Variants in PSMA1 observed in about 807,000 individuals in gnomAD.
The protein encoded by PSMA1 is proteasome 20S subunit alpha 1.
A neutral mutation model predicts 38.4 loss-of-function variants in PSMA1; 3 were observed. That is an observed-to-expected ratio of 0.08 (90% CI 0.04 to 0.20). The LOEUF is 0.20. PSMA1 is among the 10% of genes least tolerant of loss of function. PSMA1 has a pLI of 1.00. For synonymous variants in PSMA1, 101 were observed against 107.1 expected (o/e 0.94, Z 0.35); for missense variants, 227 against 325.3 (o/e 0.70, Z 2.32).
intron 1 of PSMA1, among the ~76,000 whole-genome samples, chr11:14,634,468 G>A (rs184752293): frequency 2.0e-5 from 3 of 151,774 alleles, no homozygotes; most frequent in Admixed American, 2.0e-4. Context: ...TTTTGAAGGC[G>A]AAGATTCCAC....
At chr11:14,638,246 G>A (rs1565065277) in intron 1 of PSMA1, among the ~76,000 whole-genome samples, 1 of 152,028 alleles carries the variant, frequency 6.6e-6, no homozygotes, top group South Asian at 2.1e-4. Context: ...CAGAGCTGCT[G>A]TGCTGCTGTG....
At position 14,505,259 on chromosome 11, in the gene PSMA1, A is replaced by T; in HGVS notation, c.736-11T>A. On this transcript the variant is annotated splice_polypyrimidine_tract_variant and intron_variant, in intron 9 of 9. Transcript: ENST00000396394. The stretch of plus-strand genomic sequence containing the variant: ...AGCAGGTTGAGCAGGCTTAACAGGG[A>T]AAGAAAAAAAGAAAATATGTAAAAT... The T allele has an allele frequency of 1.2e-6, 2 of 1,606,602 alleles. No individual in the cohort carries two copies. Among genetic ancestry groups the T allele is most frequent in the Non-Finnish European group, 1.7e-6 (2 of 1,173,356 alleles).
intron 2 of PSMA1, among the ~76,000 whole-genome samples, chr11:14,609,251 A>G (rs1165288118): frequency 6.6e-6 from 1 of 152,244 alleles, no homozygotes; most frequent in Non-Finnish European, 1.5e-5. Context: ...TCCAAAGACC[A>G]TATCAAAGTT....
intron 2 of PSMA1, among the ~76,000 whole-genome samples, chr11:14,536,650 C>T (rs1851712405): frequency 1.3e-5 from 2 of 152,014 alleles, no homozygotes; most frequent in South Asian, 4.2e-4. Context: ...CTCGCTCTGT[C>T]GCCCAGGCTG....
intron 2 of PSMA1, among the ~76,000 whole-genome samples, chr11:14,582,012 G>A (rs1251192701): frequency 6.6e-6 from 1 of 152,140 alleles, no homozygotes; most frequent in African/African-American, 2.4e-5. Context: ...TGGATCATGT[G>A]TCTACTGCTG....
chr11:14,518,266 T>C (rs918508342), intron 2 of PSMA1, among the ~76,000 whole-genome samples: 4 of 152,120 alleles, frequency 2.6e-5, no homozygotes, highest in African/African-American at 9.7e-5. Context: ...CACGCCCAGC[T>C]AATTTTTGTA....
intron 2 of PSMA1, among the ~76,000 whole-genome samples, chr11:14,607,977 T>C (rs1467128212): frequency 6.6e-6 from 1 of 152,142 alleles, no homozygotes; most frequent in East Asian, 1.9e-4. Flanking sequence ...AGCAGTGGAT[T>C]TTCATGGATG....
At chr11:14,524,208 C>A (rs1282370914), upstream of PSMA1, among the ~76,000 whole-genome samples, 1 of 151,184 alleles carries the variant, frequency 6.6e-6, no homozygotes, top group Non-Finnish European at 1.5e-5. Flanking sequence ...GTTGTATGCA[C>A]CTGTAGTCCC....
intron 8 of PSMA1, among the ~76,000 whole-genome samples, chr11:14,510,253 TG>T (rs1022112593): frequency 1.3e-5 from 2 of 152,192 alleles, no homozygotes; most frequent in African/African-American, 4.8e-5. Context: ...CCTTTGCATT[TG>T]TATTTCCTAG....
chr11:14,520,159 G>A (rs1253501214), intron 1 of PSMA1, 138 bp downstream of exon 1: 1 of 1,367,356 alleles, frequency 7.3e-7, no homozygotes, highest in East Asian at 2.3e-5. Context: ...CTGAATCACT[G>A]CCGGAGCCCG....
chr11:14,597,228 C>T (rs774304945), intron 2 of PSMA1, among the ~76,000 whole-genome samples: 16 of 152,160 alleles, frequency 1.1e-4, no homozygotes, highest in Middle Eastern at 3.4e-3. Flanking sequence ...GTCTGTGCCA[C>T]GCTTTGGTAT....
At position 14,556,012 on chromosome 11, in the gene PSMA1, C is replaced by T. The variant is rs556649146; in HGVS notation, c.22-36971G>A. ...TGTCACCCTGGGGACCTTCCTTGTC[C>T]GGCTCTGGTCTGGGTTGTTGCTGTC... On this transcript the variant is annotated intron_variant, in intron 2 of 10. Transcript: ENST00000418988. Among the ~76,000 whole-genome samples, 8 of 152,284 alleles carry T rather than the reference C, an allele frequency of 5.3e-5. No individual in the cohort carries two copies. The East Asian group carries it at 7.7e-4, about 15-fold the overall frequency.
At chr11:14,593,139 T>C (rs979408316) in intron 2 of PSMA1, among the ~76,000 whole-genome samples, 3 of 152,276 alleles carry the variant, frequency 2.0e-5, no homozygotes, top group African/African-American at 7.2e-5. Flanking sequence ...CCCAATTAAA[T>C]AGTACCATAG....
chr11:14,597,386 G>C (rs1186703627), intron 2 of PSMA1, among the ~76,000 whole-genome samples: 19 of 151,986 alleles, frequency 1.3e-4, no homozygotes, highest in Middle Eastern at 3.2e-3. Context: ...GACTTTTTTT[G>C]GTTGGTAGGC....
intron 2 of PSMA1, among the ~76,000 whole-genome samples, chr11:14,598,258 T>C (rs1852527554): frequency 1.3e-5 from 2 of 152,214 alleles, no homozygotes; most frequent in Admixed American, 1.3e-4. Flanking sequence ...TAGATGACTA[T>C]AAGGTCCGCT....
chr11:14,554,662 A>G (rs904448292), intron 2 of PSMA1, among the ~76,000 whole-genome samples: 4 of 152,240 alleles, frequency 2.6e-5, no homozygotes, highest in Admixed American at 2.6e-4. Context: ...TCACTGATCT[A>G]TGTGTCTATC....
At chr11:14,536,608 A>T (rs12798342) in intron 2 of PSMA1, among the ~76,000 whole-genome samples, 49,613 of 150,954 alleles carry the variant, frequency 0.33, 9,433 homozygotes, top group African/African-American at 0.53. Context: ...ATTTAAAAAA[A>T]TTTTTTTTTA....
chr11:14,566,464 A>C (rs531615041), intron 2 of PSMA1, among the ~76,000 whole-genome samples: 7 of 152,144 alleles, frequency 4.6e-5, no homozygotes, highest in Non-Finnish European at 8.8e-5. Flanking sequence ...ATCCTTCAAC[A>C]TAAGTGGCCA....
chr11:14,514,219 G>C (rs565583109), intron 5 of PSMA1, 184 bp downstream of exon 5: 1 of 1,347,520 alleles, frequency 7.4e-7, no homozygotes. Context: ...TCCTGAAGTT[G>C]GGCTTATTTG....
Sources: allele counts gnomAD v4.1 joint callset (sites outside exome capture counted in the v4.1 genomes callset), GRCh38; gene constraint gnomAD v4.1.1; transcripts MANE v1.5; gene names NCBI Gene and HGNC (gene_info 2026-07-23, HGNC 2026-07-21).